Variants in VRK2 observed in about 807,000 individuals in gnomAD.
VRK2 encodes VRK serine/threonine kinase 2.
In VRK2, 60 loss-of-function variants were observed where a neutral mutation model predicts 57.6. The observed-to-expected ratio is 1.04, with a 90% CI of 0.85 to 1.29. The LOEUF (loss-of-function observed/expected upper bound fraction) is 1.29. VRK2 is among the 50% of genes most tolerant of loss of function. The pLI is 0.00. For synonymous variants in VRK2, 231 were observed against 199.2 expected (o/e 1.16, Z -1.35); for missense variants, 705 against 588.1 (o/e 1.20, Z -2.06).
At chr2:58,048,632 C>T (rs986871978) in intron 1 of VRK2, 195 bp from the exon 2 acceptor site, 10 of 1,496,850 alleles carry the variant, frequency 6.7e-6, no homozygotes, top group African/African-American at 1.4e-5. Context: ...CCTCTTAGAT[C>T]TCAGTATTGT....
chr2:58,151,997 A>C (rs544538794), intron 12 of VRK2, among the ~76,000 whole-genome samples: 14 of 151,704 alleles, frequency 9.2e-5, no homozygotes, highest in African/African-American at 2.9e-4. Context: ...CAAGTTTGCA[A>C]ATCCCTGCTC....
intron 1 of VRK2, among the ~76,000 whole-genome samples, chr2:57,972,785 T>C (rs1199399520): frequency 6.6e-6 from 1 of 151,892 alleles, no homozygotes; most frequent in Non-Finnish European, 1.5e-5. Context: ...TAATCATTCA[T>C]TGTTGTCTAC....
At position 58,046,867 on chromosome 2, in the gene VRK2, C is replaced by G. The variant is rs983253259; in HGVS notation, c.-7C>G. The G allele has an allele frequency of 7.1e-6, 7 of 985,268 alleles. No individual in the cohort carries two copies. The highest frequency in any genetic ancestry group is 3.5e-5 in the African/African-American group (2 of 57,236). The allele number at this position is 985,268 out of a possible 1,614,324, so 61.0% of individuals were successfully genotyped here. ...CCCGGCGACGGGGGATCCTGAGGCC[C>G]GGTCAGTCTCTTGCTCTGGGGTCTT... On this transcript the variant is annotated splice_region_variant and 5_prime_UTR_variant, in exon 1 of 13. Coordinates refer to ENST00000340157, the MANE Select transcript of VRK2 (RefSeq NM_006296.7).
Position 58,009,540 on chromosome 2 carries a change from CCACT to C in VRK2, c.-438-16122_-438-16119del, listed in dbSNP as rs890286149. Among the ~76,000 whole-genome samples, 44 of 148,892 alleles carry C rather than the reference CCACT, an allele frequency of 3.0e-4. No homozygotes were observed. The Admixed American group carries it at 3.0e-3, about 10-fold the overall frequency. On this transcript the variant is annotated intron_variant, in intron 1 of 15. Transcript: ENST00000417641. Reference sequence around the variant, plus strand: ...TTGACAGATCTAGTATGTCTTCTAACCACTCAATCAATCATTTTGTTTTCACCCA... The same window carrying C: ...TTGACAGATCTAGTATGTCTTCTAACCAATCAATCATTTTGTTTTCACCCA...
At chr2:57,924,957 T>C (rs941495990) in intron 1 of VRK2, among the ~76,000 whole-genome samples, 1 of 152,090 alleles carries the variant, frequency 6.6e-6, no homozygotes, top group Non-Finnish European at 1.5e-5. Context: ...TCAGCATCGA[T>C]TGAAATGATC....
intron 12 of VRK2, 85 bp downstream of exon 12, chr2:58,146,559 C>A: frequency 1.4e-6 from 2 of 1,454,328 alleles, no homozygotes; most frequent in East Asian, 2.4e-5. Context: ...CTTATTTTCT[C>A]CTGAGGGCCA....
At chr2:57,938,688 C>G (rs968958047) in intron 1 of VRK2, among the ~76,000 whole-genome samples, 1 of 151,960 alleles carries the variant, frequency 6.6e-6, no homozygotes, top group African/African-American at 2.4e-5. Context: ...CTATGAAAGC[C>G]TGTTTCTCTC....
At chr2:58,145,607 G>T (rs182218780) in intron 11 of VRK2, among the ~76,000 whole-genome samples, 1 of 152,014 alleles carries the variant, frequency 6.6e-6, no homozygotes, top group African/African-American at 2.4e-5. Flanking sequence ...GGAGTACAGT[G>T]ACACTAATTT....
Position 58,088,435 on chromosome 2 carries a change from G to C in VRK2, c.439G>C (p.Gly147Arg), listed in dbSNP as rs1273381699. Residue 147 changes from glycine (G) to arginine (R), a missense_variant, in exon 6 of 13, where the codon GGT becomes CGT. Physicochemically the swap from Gly to Arg is moderately radical, Grantham distance 125. Transcript: ENST00000340157. The part of the protein sequence containing the change: ...TFKKSTVLQL[G>R]IRMLDVLEYI... ...TAAAAAGTCAACTGTCCTGCAATTA[G>C]GTATCCGAATGGTAAGAATTACTTA... 2 of 1,609,248 alleles carry C rather than the reference G, an allele frequency of 1.2e-6. No homozygotes were observed. The highest frequency in any genetic ancestry group is 4.5e-5 in the East Asian group (2 of 44,782).
At chr2:58,041,069 C>A (rs1046873429) in intron 3 of VRK2, 26 of 985,034 alleles carry the variant, frequency 2.6e-5, no homozygotes, top group Non-Finnish European at 3.0e-5. Flanking sequence ...GGGATGTTAA[C>A]TGGGGGGGAA....
chr2:58,133,894 A>T (rs1409647650), intron 9 of VRK2, among the ~76,000 whole-genome samples: 1 of 152,220 alleles, frequency 6.6e-6, no homozygotes, highest in East Asian at 1.9e-4. Flanking sequence ...AAAAAAAATC[A>T]TGGTAAATAT....
intron 1 of VRK2, among the ~76,000 whole-genome samples, chr2:57,953,378 A>G (rs1202844701): frequency 2.0e-5 from 3 of 152,314 alleles, no homozygotes; most frequent in Middle Eastern, 3.4e-3. Context: ...TTCCATATCT[A>G]TAATACAGAT....
Position 58,002,157 on chromosome 2 carries a change from G to T in VRK2, c.-438-23508G>T, listed in dbSNP as rs115680003. ...CTGCTCTTTGTTGTATATAATTCTGGTGAGGAAGTAAATCTCAAGAGATAT... is the reference window on the plus strand; with the variant it reads ...CTGCTCTTTGTTGTATATAATTCTGTTGAGGAAGTAAATCTCAAGAGATAT... On this transcript the variant is annotated intron_variant, in intron 1 of 15. Transcript: ENST00000417641. Among the ~76,000 whole-genome samples the T allele has an allele frequency of 5.0e-3, 757 of 152,216 alleles. 8 individuals carry two copies. The highest frequency in any genetic ancestry group is 0.017 in the African/African-American group (716 of 41,528).
Position 58,059,180 on chromosome 2 carries a change from A to G in VRK2, c.136+10213A>G, listed in dbSNP as rs34488314. 3.9e-3 allele frequency among the ~76,000 whole-genome samples: 598 copies of G among 152,182 alleles called. 1 individual carries two copies. Among genetic ancestry groups the G allele is most frequent in the Non-Finnish European group, 6.7e-3 (455 of 67,932 alleles). On this transcript the variant is annotated intron_variant, in intron 2 of 12. Transcript: ENST00000340157. Reference sequence around the variant, plus strand: ...AAACCTAATGTTAGGCACTGGAACAATTACATTAAAAATGTACCATACCTC... The same window carrying G: ...AAACCTAATGTTAGGCACTGGAACAGTTACATTAAAAATGTACCATACCTC...
At chr2:57,962,543 C>T (rs368043888) in intron 1 of VRK2, among the ~76,000 whole-genome samples, 35 of 152,064 alleles carry the variant, frequency 2.3e-4, no homozygotes, top group African/African-American at 7.2e-4. Context: ...AGTATTTGAT[C>T]GGTAGTTTTT....
chr2:57,992,536 C>CT (rs532679750), intron 1 of VRK2, among the ~76,000 whole-genome samples: 4,104 of 147,666 alleles, frequency 0.028, 179 homozygotes, highest in African/African-American at 0.084. Flanking sequence ...AGTGTTGTTT[C>CT]TTTTTTTTTT....
intron 1 of VRK2, among the ~76,000 whole-genome samples, chr2:57,953,338 A>G (rs1372044231): frequency 2.0e-5 from 3 of 152,158 alleles, no homozygotes; most frequent in African/African-American, 7.2e-5. Flanking sequence ...ACATATCTTT[A>G]TGATGGATTT....
intron 1 of VRK2, among the ~76,000 whole-genome samples, chr2:57,917,468 T>A (rs541767183): frequency 6.6e-6 from 1 of 151,352 alleles, no homozygotes; most frequent in East Asian, 1.9e-4. Flanking sequence ...TGATAATGCC[T>A]GCTAATACAC....
At chr2:58,027,670 T>TA (rs1292141119) in intron 2 of VRK2, among the ~76,000 whole-genome samples, 1 of 152,188 alleles carries the variant, frequency 6.6e-6, no homozygotes, top group Non-Finnish European at 1.5e-5. Flanking sequence ...TCAACGTATG[T>TA]AACTATTGGC....
Sources: allele counts gnomAD v4.1 joint callset (sites outside exome capture counted in the v4.1 genomes callset), GRCh38; gene constraint gnomAD v4.1.1; transcripts MANE v1.5; gene names NCBI Gene and HGNC (gene_info 2026-07-23, HGNC 2026-07-21).